Variants in SHTN1 observed in about 807,000 individuals in gnomAD.
SHTN1 encodes shootin-1.
SHTN1 carries 42 observed loss-of-function variants against 83.1 expected under a neutral mutation model. That is an observed-to-expected ratio of 0.51 (90% CI 0.39 to 0.65). SHTN1 has a LOEUF of 0.65. Among genes scored for constraint, SHTN1 ranks in the 30% least tolerant of loss-of-function variants. The pLI is 0.00. For synonymous variants in SHTN1, 224 were observed against 247.7 expected (o/e 0.90, Z 0.90); for missense variants, 622 against 737.8 (o/e 0.84, Z 1.82).
rs1847099665 is a variant in SHTN1, at chr10:116,884,165, A to AC, written c.*2178_*2179insG. 1 of 454,022 alleles carries AC rather than the reference A, an allele frequency of 2.2e-6. No homozygotes were observed. The highest frequency in any genetic ancestry group is 2.0e-5 in the African/African-American group (1 of 50,052). 28.1% of individuals were successfully genotyped at this position (454,022 alleles called of 1,614,324 possible). A position where few individuals can be genotyped will look rare whatever the true frequency, so the allele number is the denominator to read the frequency against. ...AAAATTGTGTAAGCAGGACGTATGT[A>AC]AGTTTTGTGTGTGCAATAGCTATGA... is the stretch of plus-strand genomic sequence containing the variant. On this transcript the variant is annotated 3_prime_UTR_variant, in exon 17 of 17. Coordinates refer to ENST00000355371, the MANE Select transcript of SHTN1 (RefSeq NM_001127211.3).
At chr10:117,076,156 C>T (rs534507741) in intron 1 of SHTN1, among the ~76,000 whole-genome samples, 1 of 146,920 alleles carries the variant, frequency 6.8e-6, no homozygotes. Flanking sequence ...GCACTCCAGC[C>T]TGCGCGACAA....
rs1317699033 is a variant in SHTN1, at chr10:116,881,514, G to A, written c.*4830C>T. The A allele has an allele frequency of 6.5e-7, 1 of 1,536,328 alleles. No individual in the cohort carries two copies. Among genetic ancestry groups the A allele is most frequent in the Admixed American group, 2.1e-5 (1 of 48,172 alleles). On this transcript the variant is annotated 3_prime_UTR_variant, in exon 17 of 17. Coordinates refer to ENST00000355371, the MANE Select transcript of SHTN1 (RefSeq NM_001127211.3). ...GTAAACTTTATTGTTACTTTAAATA[G>A]GTTTCAAAGAAGAACACACTTTTTT...
intron 2 of SHTN1, chr10:117,048,424 C>A (rs1362714158): frequency 2.1e-6 from 2 of 959,950 alleles, no homozygotes; most frequent in Non-Finnish European, 1.2e-6. Flanking sequence ...TTAGACACAT[C>A]GGCACGGTCT....
Position 116,986,773 on chromosome 10 carries a change from G to T in SHTN1, c.59-7465C>A, listed in dbSNP as rs544715297. On this transcript the variant is annotated intron_variant, in intron 1 of 16. Transcript: ENST00000355371. ...GAGTGTCGCTCTGTCACCCAGGCTG[G>T]AGTGTAGCAGTGCAGTGCGATCTCG... Among the ~76,000 whole-genome samples, 16 of 139,806 alleles carry T rather than the reference G, an allele frequency of 1.1e-4. No individual in the cohort carries two copies. The South Asian group carries it at 3.6e-3, about 32-fold the overall frequency. The allele number at this position is 139,806 out of a possible 152,430, so 91.7% of individuals were successfully genotyped here.
At position 117,081,247 on chromosome 10, in the gene SHTN1, G is replaced by C. The variant is rs1220917273; in HGVS notation, c.-188-32737C>G. Among the ~76,000 whole-genome samples, 3 of 152,006 alleles carry C rather than the reference G, an allele frequency of 2.0e-5. No homozygotes were observed. The South Asian group carries it at 6.2e-4, about 32-fold the overall frequency. On this transcript the variant is annotated intron_variant, in intron 1 of 17. Coordinates refer to the SHTN1 transcript ENST00000392901. The stretch of plus-strand genomic sequence containing the variant: ...TTATTGAGAGTTTTTAGCATGAAAG[G>C]CTGTTGAATTTTGTCAAAGGCCTTT...
At position 116,915,495 on chromosome 10, in the gene SHTN1, A is replaced by T; in HGVS notation, c.1196-11T>A. ...CTGTGACTTCTTCAGCTGTTCAAAG[A>T]ACACAGACATAAATCCTCTTATGTT... On this transcript the variant is annotated splice_polypyrimidine_tract_variant and intron_variant, in intron 12 of 16. Coordinates refer to ENST00000355371, the MANE Select transcript of SHTN1 (RefSeq NM_001127211.3). 1 of 1,458,852 alleles carries T rather than the reference A, an allele frequency of 6.9e-7. No individual in the cohort carries two copies. The highest frequency in any genetic ancestry group is 1.7e-5 in the Admixed American group (1 of 59,010). The allele number at this position is 1,458,852 out of a possible 1,614,324, so 90.4% of individuals were successfully genotyped here. A position where few individuals can be genotyped will look rare whatever the true frequency, so the allele number is the denominator to read the frequency against.
chr10:117,062,277 A>G (rs1852914806), intron 1 of SHTN1, among the ~76,000 whole-genome samples: 1 of 152,234 alleles, frequency 6.6e-6, no homozygotes, highest in Admixed American at 6.5e-5. Context: ...TTTACCCTAC[A>G]GTGAAAAACA....
chr10:116,999,587 C>A (rs1037865530), intron 1 of SHTN1, among the ~76,000 whole-genome samples: 3 of 152,164 alleles, frequency 2.0e-5, no homozygotes, highest in African/African-American at 4.8e-5. Flanking sequence ...CACTTGTTTT[C>A]TATGAGCATG....
In SHTN1 at chr10:117,014,239, C is replaced by T. The variant is rs983599651; in HGVS notation, c.-123+34206G>A. On this transcript the variant is annotated intron_variant, in intron 2 of 17. Transcript: ENST00000392901. ...GGGGTGTTGGATAGATGACTCAATG[C>T]ACTTGTCAAAATCCAAAGAGGTATA... Among the ~76,000 whole-genome samples the T allele has an allele frequency of 9.2e-5, 14 of 152,174 alleles. No homozygotes were observed. In the South Asian group the frequency reaches 2.3e-3, roughly 25 times the overall value.
At chr10:116,947,507 T>C (rs1849636318) in intron 7 of SHTN1, among the ~76,000 whole-genome samples, 1 of 151,784 alleles carries the variant, frequency 6.6e-6, no homozygotes, top group South Asian at 2.1e-4. Flanking sequence ...GCAATAAGAG[T>C]GGTGATTTTT....
intron 6 of SHTN1, among the ~76,000 whole-genome samples, chr10:116,949,330 A>G (rs908975005): frequency 1.1e-4 from 16 of 152,018 alleles, no homozygotes; most frequent in Non-Finnish European, 1.8e-4. Context: ...GGGGTCTCCT[A>G]TGTTGCCGAG....
chr10:116,943,211 T>C (rs1165488794), intron 8 of SHTN1, among the ~76,000 whole-genome samples: 1 of 152,228 alleles, frequency 6.6e-6, no homozygotes, highest in Non-Finnish European at 1.5e-5. Flanking sequence ...CCACTAAGAC[T>C]GAAGACCAGG....
intron 6 of SHTN1, 122 bp from the exon 7 acceptor site, chr10:116,949,119 T>C: frequency 8.8e-7 from 1 of 1,132,150 alleles, no homozygotes; most frequent in East Asian, 2.9e-5. Context: ...AAGCAGAAAT[T>C]GGTTTCAATG....
intron 9 of SHTN1, among the ~76,000 whole-genome samples, chr10:116,935,965 T>C (rs1240726434): frequency 3.9e-5 from 6 of 152,230 alleles, no homozygotes; most frequent in Non-Finnish European, 7.3e-5. Context: ...CAGGTATTTA[T>C]AGTATTCTCT....
chr10:116,923,305 T>C (rs1848628885), intron 11 of SHTN1, among the ~76,000 whole-genome samples: 1 of 152,210 alleles, frequency 6.6e-6, no homozygotes, highest in African/African-American at 2.4e-5. Flanking sequence ...CATATCTGCA[T>C]ATAGCATCAT....
chr10:117,065,954 A>G (rs1852994721), intron 1 of SHTN1, among the ~76,000 whole-genome samples: 1 of 149,664 alleles, frequency 6.7e-6, no homozygotes, highest in Non-Finnish European at 1.5e-5. Context: ...CTGTGGTCCC[A>G]ACAGTTTGGA....
At chr10:117,119,825 A>G (rs1401999686) in intron 1 of SHTN1, among the ~76,000 whole-genome samples, 1 of 144,424 alleles carries the variant, frequency 6.9e-6, no homozygotes, top group African/African-American at 2.5e-5. Flanking sequence ...CCTATACACA[A>G]TGGGTACTAA....
intron 2 of SHTN1, among the ~76,000 whole-genome samples, chr10:116,972,617 C>T (rs756058965): frequency 1.3e-5 from 2 of 152,202 alleles, no homozygotes; most frequent in Non-Finnish European, 2.9e-5. Flanking sequence ...ACCCATCCCA[C>T]CCCTTCCTCT....
At chr10:117,094,787 A>G (rs1853482632) in intron 1 of SHTN1, among the ~76,000 whole-genome samples, 1 of 152,252 alleles carries the variant, frequency 6.6e-6, no homozygotes, top group Admixed American at 6.5e-5. Context: ...GTCAAAATTA[A>G]TTAAGCACAT....
Sources: gnomAD v4.1 joint callset for allele counts (sites outside exome capture counted in the v4.1 genomes callset) on GRCh38, gnomAD v4.1.1 for gene constraint, MANE v1.5 for transcripts, NCBI Gene and HGNC (gene_info 2026-07-23, HGNC 2026-07-21) for gene names.